The following PIK3CD variants were observed in gnomAD, a reference collection of about 807,000 sequenced individuals.
PIK3CD encodes the protein phosphatidylinositol 4,5-bisphosphate 3-kinase catalytic subunit delta isoform.
Under a neutral mutation model 122.9 loss-of-function variants are expected in PIK3CD, and 20 were observed. That is an observed-to-expected ratio of 0.16 (90% CI 0.11 to 0.24). PIK3CD has a LOEUF of 0.24. Ranked by LOEUF, PIK3CD falls within the 10% of genes least tolerant of loss-of-function variation. The pLI is 1.00. For synonymous variants in PIK3CD, 596 were observed against 593.4 expected, an observed-to-expected ratio of 1.00 and a Z score of -0.06; for missense variants, 787 against 1,406.3, an observed-to-expected ratio of 0.56 and a Z score of 7.04.
At chr1:9,721,628 C>T in intron 15 of PIK3CD, 41 bp downstream of exon 15, 2 of 1,611,078 alleles carry the variant, frequency 1.2e-6, no homozygotes, top group Non-Finnish European at 1.7e-6. Flanking sequence ...GAATCCCAGC[C>T]CCTGAGTCTC....
At position 9,716,233 on chromosome 1, in the gene PIK3CD, T is replaced by G; in HGVS notation, c.600+155T>G. On this transcript the variant is annotated intron_variant, in intron 5 of 23. Coordinates refer to ENST00000377346, the MANE Select transcript of PIK3CD (RefSeq NM_005026.5). ...TGCATGTGTGGGGCTCAACTGAACG[T>G]CCCCCCAGGCAAGCTCAACGTGGCA... is the stretch of plus-strand genomic sequence containing the variant. The G allele has an allele frequency of 6.0e-6, 5 of 828,820 alleles. No individual in the cohort carries two copies. The South Asian group carries it at 7.3e-5, about 12-fold the overall frequency. The allele number at this position is 828,820 out of a possible 1,614,324, so 51.3% of individuals were successfully genotyped here.
chr1:9,681,320 C>T (rs185104365), intron 1 of PIK3CD, among the ~76,000 whole-genome samples: 1 of 152,062 alleles, frequency 6.6e-6, no homozygotes, highest in East Asian at 1.9e-4. Flanking sequence ...TCACTGCAGC[C>T]TCCAGCTCCT....
intron 2 of PIK3CD, among the ~76,000 whole-genome samples, chr1:9,697,801 C>T (rs912158397): frequency 9.9e-5 from 15 of 151,822 alleles, no homozygotes; most frequent in African/African-American, 1.5e-4. Context: ...GAGACTGAGG[C>T]GGGTGGAGCA....
In PIK3CD at chr1:9,717,045, G is replaced by A. The variant is rs753695742; in HGVS notation, c.867G>A (p.Gln289=). ...SSSILAMRDE[Q]SNPAPQVQKP... ...CCATCCTCGCCATGCGGGATGAGCA[G>A]AGCAACCCTGCCCCCCAGGTCCAGA... Residue 289 remains glutamine (Q), a synonymous_variant, in exon 7 of 24, where the codon CAG becomes CAA. Transcript: ENST00000377346. The surrounding 1 kb of genome is among the most constrained non-coding windows in gnomAD (Gnocchi z 5.4). 1.9e-6 allele frequency: 3 copies of A among 1,613,808 alleles called. No individual in the cohort carries two copies. In the African/African-American group the frequency reaches 4.0e-5, roughly 22 times the overall value.
chr1:9,672,957 T>G (rs1421343770), intron 1 of PIK3CD, among the ~76,000 whole-genome samples: 3 of 152,174 alleles, frequency 2.0e-5, no homozygotes, highest in Non-Finnish European at 1.5e-5. Context: ...AATAAATATT[T>G]CATTTTCACT....
rs1645421349 is a variant in PIK3CD, at chr1:9,674,001, G to A, written c.-137-17466G>A. ...GAAGGCTCGACTCCATGGCACCCCG[G>A]GGGTGGTCAGCACGTAGAGGCCATT... On this transcript the variant is annotated intron_variant, in intron 1 of 23. Coordinates refer to ENST00000377346, the MANE Select transcript of PIK3CD (RefSeq NM_005026.5). 3.3e-5 allele frequency among the ~76,000 whole-genome samples: 5 copies of A among 152,330 alleles called. No homozygotes were observed. In the South Asian group the frequency reaches 1.0e-3, roughly 32 times the overall value.
chr1:9,703,624 GCAGCTGCTTTTGCC>G (rs1447243131), intron 2 of PIK3CD, among the ~76,000 whole-genome samples: 1 of 151,918 alleles, frequency 6.6e-6, no homozygotes, highest in African/African-American at 2.4e-5. Context: ...TTTTTTGTGG[GCAGCTGCTTTTGCC>G]CAGCTTTATG....
chr1:9,661,974 T>G (rs1645023012), intron 1 of PIK3CD, among the ~76,000 whole-genome samples: 1 of 150,646 alleles, frequency 6.6e-6, no homozygotes, highest in Admixed American at 6.6e-5. Flanking sequence ...CCAGCCTGGG[T>G]GACAGAGTGA....
Position 9,689,030 on chromosome 1 carries a change from C to G in PIK3CD, c.-137-2437C>G, listed in dbSNP as rs1646083093. On this transcript the variant is annotated intron_variant, in intron 1 of 23. Coordinates refer to ENST00000377346, the MANE Select transcript of PIK3CD (RefSeq NM_005026.5). The surrounding 1 kb of genome is among the most constrained non-coding windows in gnomAD (Gnocchi z 6.1). The stretch of plus-strand genomic sequence containing the variant: ...CATCAGCTAGGGAACAGCCAGCAGG[C>G]TGGATTTGAGCCCAGAGCCCGGGCT... Among the ~76,000 whole-genome samples the G allele has an allele frequency of 6.6e-6, 1 of 152,242 alleles. No homozygotes were observed. The highest frequency in any genetic ancestry group is 1.5e-5 in the Non-Finnish European group (1 of 68,048).
In PIK3CD at chr1:9,719,831, T is replaced by C. The variant is rs1648208458; in HGVS notation, c.1243-90T>C. 1 of 1,020,066 alleles carries C rather than the reference T, an allele frequency of 9.8e-7. No homozygotes were observed. The highest frequency in any genetic ancestry group is 1.6e-6 in the Non-Finnish European group (1 of 639,446). 63.2% of individuals were successfully genotyped at this position (1,020,066 alleles called of 1,614,324 possible). ...TGGGAGATGTTAGCTGGGCTCTGGG[T>C]CTTCTCGGGTGGGGTGCCTGGGGGA... is the stretch of plus-strand genomic sequence containing the variant. On this transcript the variant is annotated intron_variant, in intron 9 of 23. Coordinates refer to ENST00000377346, the MANE Select transcript of PIK3CD (RefSeq NM_005026.5). The surrounding 1 kb of genome is among the most constrained non-coding windows in gnomAD (Gnocchi z 5.5).
At chr1:9,651,716 C>T (rs1159656896), upstream of PIK3CD, 2 of 152,038 alleles carry the variant, frequency 1.3e-5, no homozygotes, top group Admixed American at 1.3e-4. Context: ...GCCCCGCCTC[C>T]CTCCCTCGAG....
the PIK3CD span, among the ~76,000 whole-genome samples, chr1:9,633,852 G>A: frequency 6.6e-6 from 1 of 152,288 alleles, no homozygotes; most frequent in Admixed American, 6.5e-5. Flanking sequence ...CATCATGTTT[G>A]TCTGGGAAGA....
the PIK3CD span, among the ~76,000 whole-genome samples, chr1:9,641,813 C>A: frequency 6.6e-6 from 1 of 152,194 alleles, no homozygotes. Flanking sequence ...CACCTCTCAG[C>A]CCTCCTTGGA....
intron 2 of PIK3CD, among the ~76,000 whole-genome samples, chr1:9,702,414 G>A (rs1646669016): frequency 6.7e-6 from 1 of 150,054 alleles, no homozygotes; most frequent in Non-Finnish European, 1.5e-5. Flanking sequence ...GTGGTCCTGT[G>A]GACTCCTCTG....
Position 9,727,425 on chromosome 1 carries a change from G to A in PIK3CD, c.*379G>A. The A allele has an allele frequency of 2.4e-6, 1 of 412,136 alleles. No homozygotes were observed. Among genetic ancestry groups the A allele is most frequent in the Non-Finnish European group, 4.6e-6 (1 of 218,048 alleles). 25.5% of individuals were successfully genotyped at this position (412,136 alleles called of 1,614,324 possible). A position where few individuals can be genotyped will look rare whatever the true frequency, so the allele number is the denominator to read the frequency against. On this transcript the variant is annotated 3_prime_UTR_variant, in exon 24 of 24. Coordinates refer to ENST00000377346, the MANE Select transcript of PIK3CD (RefSeq NM_005026.5). ...GGTCCTGGCGCCTGGCGGTCACCTGGTGCCTACTGTCCGACAGGATGCCTT... is the reference window on the plus strand; with the variant it reads ...GGTCCTGGCGCCTGGCGGTCACCTGATGCCTACTGTCCGACAGGATGCCTT...
Position 9,715,244 on chromosome 1 carries a change from C to A in PIK3CD, c.142-297C>A, listed in dbSNP as rs1056180668. On this transcript the variant is annotated intron_variant, in intron 3 of 23. Coordinates refer to ENST00000377346, the MANE Select transcript of PIK3CD (RefSeq NM_005026.5). This position sits in a 1 kb window ranked among gnomAD's most constrained non-coding sequence, Gnocchi z 4.1. ...GGGCTGCATGAAGGTCATGGCCCCC[C>A]GTCTCTGGAGTGACCTAGGGTGGTC... Among the ~76,000 whole-genome samples the A allele has an allele frequency of 6.6e-6, 1 of 152,188 alleles. No homozygotes were observed. The highest frequency in any genetic ancestry group is 1.5e-5 in the Non-Finnish European group (1 of 68,024).
the PIK3CD span, among the ~76,000 whole-genome samples, chr1:9,638,507 C>T: frequency 7.9e-5 from 12 of 151,924 alleles, no homozygotes; most frequent in South Asian, 4.2e-4. Context: ...CCGAGGCGGG[C>T]GGATCACGAG....
Position 9,715,300 on chromosome 1 carries a change from TG to T in PIK3CD, c.142-239del, listed in dbSNP as rs1647249219. 6.6e-6 allele frequency among the ~76,000 whole-genome samples: 1 copy of T among 152,190 alleles called. No individual in the cohort carries two copies. On this transcript the variant is annotated intron_variant, in intron 3 of 23. Coordinates refer to ENST00000377346, the MANE Select transcript of PIK3CD (RefSeq NM_005026.5). The surrounding 1 kb of genome is among the most constrained non-coding windows in gnomAD (Gnocchi z 4.1). ...CTCTGGGAGGGGAGCCTGTAGGACG[TG>T]GTGCCAGCCCCAGATCCCAGCACCT...
Position 9,716,657 on chromosome 1 carries a change from A to C in PIK3CD, c.780+38A>C, listed in dbSNP as rs182137610. 3.8e-3 allele frequency: 5,851 copies of C among 1,540,332 alleles called. 122 individuals are homozygous for C. The East Asian group carries it at 0.05, about 13-fold the overall frequency. ...AGGCCCTCTGCACTCTGGGCTCCCA[A>C]CGCCCTGGATAGGGCCTGGGTGGGA... On this transcript the variant is annotated intron_variant, in intron 6 of 23. Coordinates refer to ENST00000377346, the MANE Select transcript of PIK3CD (RefSeq NM_005026.5).
Sources: gnomAD v4.1 joint callset for allele counts (sites outside exome capture counted in the v4.1 genomes callset) on GRCh38, gnomAD v4.1.1 for gene constraint, Gnocchi (gnomAD v3.1) non-coding constraint, MANE v1.5 for transcripts, NCBI Gene and HGNC (gene_info 2026-07-23, HGNC 2026-07-21) for gene names.